The following CRY1 variants were observed in gnomAD, a reference collection of about 807,000 sequenced individuals.
CRY1 encodes cryptochrome circadian regulator 1, also known as cryptochrome-1.
CRY1 carries 45 observed loss-of-function variants against 76.0 expected under a neutral mutation model. That is an observed-to-expected ratio of 0.59 (90% CI 0.47 to 0.76). The LOEUF (loss-of-function observed/expected upper bound fraction) is 0.76, where lower values mean the gene tolerates loss of function less well. CRY1 is among the 30% of genes least tolerant of loss of function. CRY1 has a pLI of 0.00. For missense variants in CRY1, 587 were observed against 716.4 expected (o/e 0.82, Z 2.06); for synonymous variants, 248 against 244.0 (o/e 1.02, Z -0.15).
At chr12:107,036,971 ATTTAT>A (rs751820896) in intron 1 of CRY1, among the ~76,000 whole-genome samples, 5 of 151,990 alleles carry the variant, frequency 3.3e-5, no homozygotes, top group Non-Finnish European at 7.4e-5. Flanking sequence ...ATACTATATA[ATTTAT>A]TTATGTGTTA....
chr12:107,026,151 T>TAAC (rs1183821332), intron 1 of CRY1, among the ~76,000 whole-genome samples: 28 of 68,164 alleles, frequency 4.1e-4, no homozygotes, highest in Non-Finnish European at 5.1e-4. Flanking sequence ...ATTACATATA[T>TAAC]ATATAAAATA....
Position 107,032,113 on chromosome 12 carries a change from T to C in CRY1, c.159-9921A>G, listed in dbSNP as rs559670388. Among the ~76,000 whole-genome samples, 4 of 151,448 alleles carry C rather than the reference T, an allele frequency of 2.6e-5. No individual in the cohort carries two copies. The South Asian group carries it at 8.4e-4, about 32-fold the overall frequency. On this transcript the variant is annotated intron_variant, in intron 1 of 12. Coordinates refer to ENST00000008527, the MANE Select transcript of CRY1 (RefSeq NM_004075.5). ...CCACGCCCGGCTAATTTTGTATTTT[T>C]AGTAGAGACGGGGTTTCGCCACGTT...
chr12:107,048,118 T>G (rs2136872305), intron 1 of CRY1, among the ~76,000 whole-genome samples: 1 of 151,984 alleles, frequency 6.6e-6, no homozygotes, highest in Admixed American at 6.6e-5. Context: ...TCTTGCTCTG[T>G]CGCCCAGGCT....
chr12:107,084,823 G>A (rs1392249570), intron 1 of CRY1, among the ~76,000 whole-genome samples: 2 of 152,164 alleles, frequency 1.3e-5, no homozygotes, highest in South Asian at 4.2e-4. Flanking sequence ...TTGACAAATG[G>A]GATCTAATTA....
intron 3 of CRY1, among the ~76,000 whole-genome samples, chr12:107,002,233 A>G (rs1370737238): frequency 6.6e-6 from 1 of 152,192 alleles, no homozygotes; most frequent in Non-Finnish European, 1.5e-5. Context: ...TATGAGAGGA[A>G]AAAACAAGTA....
At chr12:107,010,716 C>A (rs1952435625) in intron 2 of CRY1, among the ~76,000 whole-genome samples, 1 of 152,072 alleles carries the variant, frequency 6.6e-6, no homozygotes, top group Admixed American at 6.6e-5. Context: ...GTAGCTGGCA[C>A]TACAGGTACC....
In CRY1 at chr12:106,999,600, C is replaced by A. The variant is rs372884478; in HGVS notation, c.1088G>T (p.Cys363Phe). The change falls in exon 7 of 13, where the codon TGC becomes TTC. Residue 363 changes from cysteine to phenylalanine, a missense_variant. Transcript: ENST00000008527. ...CCACAGGTCCCCTCGTGTCAGGAAG[C>A]AAGCAACTGCATGCCTGGCTAGATG... Reference protein sequence around the residue: ...IHHLARHAVACFLTRGDLWIS... With the variant: ...IHHLARHAVAFFLTRGDLWIS... 5 of 1,614,156 alleles carry A rather than the reference C, an allele frequency of 3.1e-6. No homozygotes were observed. The highest frequency in any genetic ancestry group is 2.5e-6 in the Non-Finnish European group (3 of 1,180,016).
At chr12:107,075,003 G>A (rs1384159902) in intron 1 of CRY1, among the ~76,000 whole-genome samples, 1 of 145,412 alleles carries the variant, frequency 6.9e-6, no homozygotes, top group African/African-American at 2.5e-5. Flanking sequence ...CAACAAGAGT[G>A]AAACTCTGTC....
chr12:107,032,462 C>T (rs1487979594), intron 1 of CRY1, among the ~76,000 whole-genome samples: 3 of 151,962 alleles, frequency 2.0e-5, no homozygotes, highest in South Asian at 2.1e-4. Context: ...CATGACAATG[C>T]GTTTAAAGTG....
intron 2 of CRY1, among the ~76,000 whole-genome samples, chr12:107,008,354 A>C (rs1952398571): frequency 1.3e-5 from 2 of 152,344 alleles, no homozygotes; most frequent in Non-Finnish European, 2.9e-5. Context: ...TATAATTCTA[A>C]TTATATGACA....
At chr12:107,002,793 C>T (rs1332903872) in intron 3 of CRY1, among the ~76,000 whole-genome samples, 5 of 152,144 alleles carry the variant, frequency 3.3e-5, no homozygotes, top group Admixed American at 3.3e-4. Context: ...CTTTCCCGTG[C>T]TGTTCTCATG....
chr12:107,084,553 CA>C (rs1332212719), intron 1 of CRY1, among the ~76,000 whole-genome samples: 1 of 151,294 alleles, frequency 6.6e-6, no homozygotes, highest in Non-Finnish European at 1.5e-5. Context: ...CTGATCTTGA[CA>C]AAAACAAGAA....
At chr12:107,051,114 ACAAATTT>A (rs753605996) in intron 1 of CRY1, among the ~76,000 whole-genome samples, 1 of 152,236 alleles carries the variant, frequency 6.6e-6, no homozygotes, top group African/African-American at 2.4e-5. Context: ...TGGACTGAAA[ACAAATTT>A]CAATTACATG....
At position 107,092,891 on chromosome 12, in the gene CRY1, C is replaced by T; in HGVS notation, c.71G>A (p.Cys24Tyr). Residue 24 changes from cysteine (C) to tyrosine (Y), a missense_variant, in exon 1 of 13, where the codon TGC becomes TAC. By Grantham distance (194) the Cys-to-Tyr change is radical. Coordinates refer to ENST00000008527, the MANE Select transcript of CRY1 (RefSeq NM_004075.5). ...GCGGATGGTGTCGGCGCCCTGAATGCACTCCTTCAGGGCGGGGTTGTCGTG... is the reference window on the plus strand; with the variant it reads ...GCGGATGGTGTCGGCGCCCTGAATGTACTCCTTCAGGGCGGGGTTGTCGTG... ...RLHDNPALKE[C>Y]IQGADTIRCV... 2 of 1,609,804 alleles carry T rather than the reference C, an allele frequency of 1.2e-6. No homozygotes were observed. Among genetic ancestry groups the T allele is most frequent in the Non-Finnish European group, 8.5e-7 (1 of 1,179,172 alleles).
chr12:107,015,978 T>C (rs1163412391), intron 2 of CRY1, among the ~76,000 whole-genome samples: 1 of 152,258 alleles, frequency 6.6e-6, no homozygotes, highest in African/African-American at 2.4e-5. Context: ...TCACAATTAC[T>C]TGTTAATCAG....
chr12:107,013,986 A>G (rs1014999215), intron 2 of CRY1, among the ~76,000 whole-genome samples: 2 of 152,202 alleles, frequency 1.3e-5, no homozygotes, highest in Admixed American at 6.5e-5. Flanking sequence ...AAGGTGTTCA[A>G]AAGTACCAAT....
At chr12:107,080,370 G>A (rs769159717) in intron 1 of CRY1, among the ~76,000 whole-genome samples, 1 of 152,018 alleles carries the variant, frequency 6.6e-6, no homozygotes, top group Non-Finnish European at 1.5e-5. Context: ...ACACACGTCC[G>A]GGGATCAGGA....
intron 1 of CRY1, among the ~76,000 whole-genome samples, chr12:107,082,434 A>G (rs1565847073): frequency 6.6e-6 from 1 of 152,058 alleles, no homozygotes; most frequent in African/African-American, 2.4e-5. Context: ...AAAATTGACC[A>G]ATAATTGGAA....
chr12:107,083,943 T>C (rs968578985), intron 1 of CRY1, among the ~76,000 whole-genome samples: 1 of 152,144 alleles, frequency 6.6e-6, no homozygotes, highest in Non-Finnish European at 1.5e-5. Context: ...AAAATTCCAT[T>C]GCCTCAGCCC....
Sources: allele counts gnomAD v4.1 joint callset (sites outside exome capture counted in the v4.1 genomes callset), GRCh38; gene constraint gnomAD v4.1.1; transcripts MANE v1.5; gene names NCBI Gene and HGNC (gene_info 2026-07-23, HGNC 2026-07-21).